TENM2: variants seen among roughly 807,000 people sequenced by gnomAD.
TENM2 encodes the protein teneurin transmembrane protein 2, also known as teneurin-2.
Under a neutral mutation model 245.2 loss-of-function variants are expected in TENM2, and 52 were observed. That is an observed-to-expected ratio of 0.21 (90% CI 0.17 to 0.27). TENM2 has a LOEUF of 0.27. TENM2 is among the 10% of genes least tolerant of loss of function. The pLI is 1.00. For synonymous variants in TENM2, 1,363 were observed against 1,438.9 expected, an observed-to-expected ratio of 0.95 and a Z score of 1.19; for missense variants, 3,046 against 3,666.8, an observed-to-expected ratio of 0.83 and a Z score of 4.37.
the TENM2 span, among the ~76,000 whole-genome samples, chr5:167,081,110 T>C: frequency 6.6e-6 from 1 of 152,048 alleles, no homozygotes; most frequent in East Asian, 2.0e-4. Flanking sequence ...GTAGATATAT[T>C]ATTTTTATGA....
At chr5:167,337,926 G>A (rs1757876204) in intron 1 of TENM2, among the ~76,000 whole-genome samples, 1 of 152,078 alleles carries the variant, frequency 6.6e-6, no homozygotes, top group Admixed American at 6.5e-5. Context: ...AAAATACTTT[G>A]CAATAGTGTT....
chr5:168,019,589 G>T (rs1785962212), intron 5 of TENM2, among the ~76,000 whole-genome samples: 1 of 152,236 alleles, frequency 6.6e-6, no homozygotes, highest in Admixed American at 6.5e-5. Context: ...ATACTGGACA[G>T]AGTAACCTGG....
the TENM2 span, among the ~76,000 whole-genome samples, chr5:167,242,106 G>A: frequency 2.0e-5 from 3 of 148,086 alleles, no homozygotes; most frequent in Non-Finnish European, 4.5e-5. Context: ...GTGCAGTGCA[G>A]TGGCATGATC....
At chr5:167,546,714 G>A (rs1562044320) in intron 2 of TENM2, among the ~76,000 whole-genome samples, 2 of 152,116 alleles carry the variant, frequency 1.3e-5, no homozygotes, top group Non-Finnish European at 2.9e-5. Context: ...AAAAGGGGAG[G>A]GGATGCTCCG....
intron 2 of TENM2, among the ~76,000 whole-genome samples, chr5:167,818,016 G>A (rs1341299927): frequency 2.0e-5 from 3 of 152,200 alleles, no homozygotes; most frequent in Non-Finnish European, 2.9e-5. Flanking sequence ...TAGAGGGTGC[G>A]GCTCATGGTC....
chr5:167,291,003 T>G (rs1320808593), intron 1 of TENM2, among the ~76,000 whole-genome samples: 1 of 152,234 alleles, frequency 6.6e-6, no homozygotes, highest in Non-Finnish European at 1.5e-5. Context: ...TCATCATTGA[T>G]GCTTACTACC....
chr5:167,763,893 C>T (rs1315238631), intron 2 of TENM2, among the ~76,000 whole-genome samples: 1 of 151,872 alleles, frequency 6.6e-6, no homozygotes, highest in African/African-American at 2.4e-5. Context: ...CAACTTTAGC[C>T]CTCTCATCCT....
intron 7 of TENM2, among the ~76,000 whole-genome samples, chr5:168,083,359 C>T (rs977322554): frequency 9.9e-5 from 15 of 152,182 alleles, no homozygotes; most frequent in Non-Finnish European, 2.2e-4. Flanking sequence ...TCATGGCTTC[C>T]CTTGGCTAGG....
intron 13 of TENM2, among the ~76,000 whole-genome samples, chr5:168,190,051 G>GA (rs1581583833): frequency 6.6e-6 from 1 of 152,148 alleles, no homozygotes; most frequent in African/African-American, 2.4e-5. Flanking sequence ...GTTCATAGTA[G>GA]AAAAAAGTAG....
rs139229697 is a variant in TENM2, at chr5:168,227,155, T to TATC, written c.5285-739_5285-737dup. On this transcript the variant is annotated intron_variant, in intron 24 of 28. Transcript: ENST00000518659. ...TTGCCCAGACAGTCAGGAAGCAGTG[T>TATC]ATCTGTAAAAGGAGTCTCTGACTCA... is the stretch of plus-strand genomic sequence containing the variant. 5.3e-3 allele frequency among the ~76,000 whole-genome samples: 812 copies of TATC among 152,274 alleles called. 5 individuals are homozygous for TATC. The highest frequency in any genetic ancestry group is 0.019 in the African/African-American group (780 of 41,542).
At chr5:168,012,480 C>T (rs1785295973) in intron 5 of TENM2, among the ~76,000 whole-genome samples, 1 of 151,818 alleles carries the variant, frequency 6.6e-6, no homozygotes, top group Non-Finnish European at 1.5e-5. Flanking sequence ...CCTGTCTCTA[C>T]AAGAAATATT....
At chr5:167,384,361 T>A (rs1354388096) in intron 2 of TENM2, among the ~76,000 whole-genome samples, 2 of 152,126 alleles carry the variant, frequency 1.3e-5, no homozygotes, top group African/African-American at 4.8e-5. Context: ...GGAAATGAGA[T>A]GATGGATATT....
chr5:167,339,330 G>A (rs1223467153), intron 1 of TENM2, among the ~76,000 whole-genome samples: 1 of 152,132 alleles, frequency 6.6e-6, no homozygotes, highest in Non-Finnish European at 1.5e-5. Flanking sequence ...AGAAGGAAGG[G>A]CTGACAGATC....
At chr5:167,295,481 C>A (rs4075224) in intron 1 of TENM2, among the ~76,000 whole-genome samples, 28,893 of 152,052 alleles carry the variant, frequency 0.19, 3,777 homozygotes, top group East Asian at 0.38. Context: ...CTGACCAGAA[C>A]CTTTGGGAAA....
chr5:167,612,254 C>T (rs1313776648), intron 2 of TENM2, among the ~76,000 whole-genome samples: 1 of 152,068 alleles, frequency 6.6e-6, no homozygotes, highest in Admixed American at 6.6e-5. Context: ...CTGCTCCCAC[C>T]CCTTCATTAC....
chr5:167,389,249 A>AATAT (rs61126047), intron 2 of TENM2, among the ~76,000 whole-genome samples: 2,831 of 146,900 alleles, frequency 0.019, 64 homozygotes, highest in African/African-American at 0.062. Flanking sequence ...GTGCATTTAA[A>AATAT]ATATATATAT....
intron 2 of TENM2, among the ~76,000 whole-genome samples, chr5:167,801,583 T>G (rs978221096): frequency 2.0e-5 from 3 of 151,690 alleles, no homozygotes; most frequent in Non-Finnish European, 4.4e-5. Flanking sequence ...GCAAGAAGAG[T>G]TGGAATTGAA....
chr5:167,400,601 A>ATAAATGGGGCTACATCAGG lies in TENM2; in HGVS notation c.502+25129_502+25147dup, dbSNP rs748300011. On this transcript the variant is annotated intron_variant, in intron 2 of 28. Transcript: ENST00000518659. Reference sequence around the variant, plus strand: ...ATAAGAAAACCATCACCCATAGATTATAAATGGGGCTACATCAGGGGATGA... The same window carrying ATAAATGGGGCTACATCAGG: ...ATAAGAAAACCATCACCCATAGATTATAAATGGGGCTACATCAGGTAAATGGGGCTACATCAGGGGATGA... 2.5e-3 allele frequency among the ~76,000 whole-genome samples: 377 copies of ATAAATGGGGCTACATCAGG among 152,266 alleles called. 3 individuals carry two copies. Among genetic ancestry groups the ATAAATGGGGCTACATCAGG allele is most frequent in the Non-Finnish European group, 3.7e-3 (254 of 68,018 alleles).
the TENM2 span, among the ~76,000 whole-genome samples, chr5:167,204,955 T>C: frequency 3.6e-3 from 544 of 152,358 alleles, 5 homozygotes; most frequent in African/African-American, 0.012. Context: ...CTTTGACTCA[T>C]ATCTTGAGCT....
Sources: gnomAD v4.1 joint callset for allele counts (sites outside exome capture counted in the v4.1 genomes callset) on GRCh38, gnomAD v4.1.1 for gene constraint, MANE v1.5 for transcripts, NCBI Gene and HGNC (gene_info 2026-07-23, HGNC 2026-07-21) for gene names.